LCORL: variants seen among roughly 807,000 people sequenced by gnomAD.
LCORL encodes the protein ligand-dependent nuclear receptor corepressor-like protein.
A neutral mutation model predicts 141.8 loss-of-function variants in LCORL; 41 were observed. That is an observed-to-expected ratio of 0.29 (90% confidence interval 0.23 to 0.38). The LOEUF (loss-of-function observed/expected upper bound fraction) is 0.38, where lower values mean the gene tolerates loss of function less well. Ranked by LOEUF, LCORL falls within the 10% of genes least tolerant of loss-of-function variation. LCORL has a pLI of 1.00. For synonymous variants in LCORL, 618 were observed against 694.1 expected, an observed-to-expected ratio of 0.89 and a Z score of 1.72; for missense variants, 1,759 against 2,035.0, an observed-to-expected ratio of 0.86 and a Z score of 2.61.
chr4:18,002,370 G>T (rs1015363217), intron 1 of LCORL, among the ~76,000 whole-genome samples: 55 of 151,362 alleles, frequency 3.6e-4, no homozygotes, highest in Non-Finnish European at 5.0e-4. Context: ...TATACAAGGT[G>T]CTCTCACCAG....
At chr4:17,992,701 T>C (rs1377771437) in intron 1 of LCORL, among the ~76,000 whole-genome samples, 1 of 152,218 alleles carries the variant, frequency 6.6e-6, no homozygotes, top group Admixed American at 6.5e-5. Flanking sequence ...ACAGACTCTA[T>C]CTTTTCCTAA....
exon 7 of LCORL, chr4:17,876,150 C>T (rs1726897980): frequency 9.8e-6 from 12 of 1,230,700 alleles, no homozygotes; most frequent in African/African-American, 1.6e-5. Flanking sequence ...ACTTTCAGTA[C>T]CTTCATATTT....
intron 7 of LCORL, among the ~76,000 whole-genome samples, chr4:17,865,101 A>C (rs1472035984): frequency 6.6e-6 from 1 of 152,234 alleles, no homozygotes; most frequent in African/African-American, 2.4e-5. Context: ...AGTAGACTGA[A>C]ATTCACCAAG....
At chr4:17,950,513 A>G (rs1739546383) in intron 4 of LCORL, among the ~76,000 whole-genome samples, 1 of 152,176 alleles carries the variant, frequency 6.6e-6, no homozygotes, top group African/African-American at 2.4e-5. Context: ...TTTATAAAAG[A>G]GTTTTCATAA....
chr4:17,961,767 T>C (rs1713833584), intron 4 of LCORL, 136 bp downstream of exon 4: 2 of 616,058 alleles, frequency 3.2e-6, no homozygotes, highest in Non-Finnish European at 5.3e-6. Context: ...CCTAAAAATA[T>C]AAAGAAAAAT....
Position 17,852,420 on chromosome 4 carries a change from T to A in LCORL, c.5603-6519A>T, listed in dbSNP as rs142410762. Among the ~76,000 whole-genome samples the A allele has an allele frequency of 3.4e-4, 52 of 152,186 alleles. 2 individuals are homozygous for A. In the East Asian group the frequency reaches 5.0e-3, roughly 15 times the overall value. Reference sequence around the variant, plus strand: ...GAAAAAAAAAAGGTACTTTCGCTGCTTATCTTACAGATTTGTTGTGACAAT... The same window carrying A: ...GAAAAAAAAAAGGTACTTTCGCTGCATATCTTACAGATTTGTTGTGACAAT... On this transcript the variant is annotated intron_variant, in intron 7 of 7. Coordinates refer to ENST00000635767, the Ensembl canonical transcript of LCORL.
intron 1 of LCORL, among the ~76,000 whole-genome samples, chr4:18,009,088 T>C (rs1723261464): frequency 6.6e-6 from 1 of 152,088 alleles, no homozygotes; most frequent in Non-Finnish European, 1.5e-5. Flanking sequence ...CCCTTCTCAA[T>C]GACCAGTATA....
intron 4 of LCORL, among the ~76,000 whole-genome samples, chr4:17,944,352 T>A (rs1738484883): frequency 6.6e-6 from 1 of 152,206 alleles, no homozygotes; most frequent in Admixed American, 6.5e-5. Context: ...TCCACATTTT[T>A]TAACTGGAAT....
intron 6 of LCORL, chr4:17,880,687 T>C (rs1195496765): frequency 1.0e-6 from 1 of 979,582 alleles, no homozygotes; most frequent in Non-Finnish European, 1.2e-6. Flanking sequence ...GCAAAAGCAT[T>C]GAAGTGCTTT....
At chr4:17,991,579 T>C (rs1720023169) in intron 1 of LCORL, among the ~76,000 whole-genome samples, 1 of 152,166 alleles carries the variant, frequency 6.6e-6, no homozygotes, top group South Asian at 2.1e-4. Context: ...ATATTTGGCA[T>C]CTAAACTTAT....
chr4:17,911,082 C>A (rs1732443534), intron 4 of LCORL, among the ~76,000 whole-genome samples: 1 of 152,064 alleles, frequency 6.6e-6, no homozygotes, highest in Non-Finnish European at 1.5e-5. Flanking sequence ...TTCATTAAGA[C>A]AGAAATAATA....
chr4:17,978,070 T>A, intron 1 of LCORL, among the ~76,000 whole-genome samples: 1 of 152,254 alleles, frequency 6.6e-6, no homozygotes, highest in East Asian at 1.9e-4. Flanking sequence ...CAAACTTTAA[T>A]AGCAGTTTTA....
rs542941804 is a variant in LCORL at position 18,016,015 on chromosome 4, A to G, written c.154+5583T>C. On this transcript the variant is annotated intron_variant, in intron 1 of 7. Transcript: ENST00000635767. ...CCTGTGATTCTAAAACTATAATTCT[A>G]TGGCTCTAGAATAGTCTAGAATACA... Among the ~76,000 whole-genome samples the G allele has an allele frequency of 3.9e-5, 6 of 152,124 alleles. No individual in the cohort carries two copies. In the South Asian group the frequency reaches 8.3e-4, roughly 21 times the overall value.
At chr4:17,956,601 C>A (rs973234662) in intron 4 of LCORL, among the ~76,000 whole-genome samples, 2 of 151,682 alleles carry the variant, frequency 1.3e-5, no homozygotes. Flanking sequence ...CTTAAGAAAA[C>A]GCTGACCTCA....
At chr4:17,924,714 C>A (rs1376531585) in intron 4 of LCORL, among the ~76,000 whole-genome samples, 3 of 152,194 alleles carry the variant, frequency 2.0e-5, no homozygotes, top group Admixed American at 2.0e-4. Flanking sequence ...CACTTTATAG[C>A]TAAAGAAGTG....
intron 4 of LCORL, among the ~76,000 whole-genome samples, chr4:17,952,917 T>C (rs1261815883): frequency 6.6e-6 from 1 of 152,076 alleles, no homozygotes; most frequent in Non-Finnish European, 1.5e-5. Flanking sequence ...TAGGCCCCAG[T>C]GTCTATGGTT....
chr4:17,896,692 T>A (rs1484524396), intron 5 of LCORL, among the ~76,000 whole-genome samples: 1 of 152,182 alleles, frequency 6.6e-6, no homozygotes, highest in Non-Finnish European at 1.5e-5. Flanking sequence ...AGACGGGGCA[T>A]CCATCACTTC....
chr4:17,934,286 G>C (rs1042921929), intron 4 of LCORL, among the ~76,000 whole-genome samples: 1 of 151,982 alleles, frequency 6.6e-6, no homozygotes, highest in African/African-American at 2.4e-5. Flanking sequence ...ACCAATGAAA[G>C]GTGTTCTTGG....
At chr4:17,959,209 C>T (rs981843812) in intron 4 of LCORL, among the ~76,000 whole-genome samples, 6 of 151,896 alleles carry the variant, frequency 4.0e-5, no homozygotes, top group Admixed American at 2.6e-4. Context: ...AAAATAGAAA[C>T]CTATAAGAAA....
Sources: allele counts gnomAD v4.1 joint callset (sites outside exome capture counted in the v4.1 genomes callset), GRCh38; gene constraint gnomAD v4.1.1; transcripts MANE v1.5; gene names NCBI Gene and HGNC (gene_info 2026-07-23, HGNC 2026-07-21).